The following BCAR3 variants were observed in gnomAD, a reference collection of about 807,000 sequenced individuals.
BCAR3 encodes BCAR3 adaptor protein, NSP family member, also known as breast cancer anti-estrogen resistance protein 3.
In BCAR3, 37 loss-of-function variants were observed where a neutral mutation model predicts 80.1. The ratio of observed to expected loss-of-function variants is 0.46; its 90% CI spans 0.36 to 0.61. BCAR3 has a LOEUF of 0.61. Among genes scored for constraint, BCAR3 ranks in the 20% least tolerant of loss-of-function variants. The pLI, the probability that BCAR3 is intolerant of heterozygous loss-of-function variation, is 0.00. For synonymous variants in BCAR3, 389 were observed against 418.9 expected (o/e 0.93, Z 0.87); for missense variants, 978 against 1,068.2 (o/e 0.92, Z 1.18).
chr1:93,567,832 G>A lies in BCAR3; in HGVS notation c.1994C>T (p.Thr665Met), dbSNP rs760635585. Residue 665 changes from threonine to methionine, a missense_variant, in exon 10 of 12, where the codon ACG becomes ATG. Coordinates refer to ENST00000260502, the MANE Select transcript of BCAR3 (RefSeq NM_003567.4). ...EMPQITRLEK[T>M]WTALRHQYTQ... Reference sequence around the variant, plus strand: ...GTACTGGTGCCGCAGAGCAGTCCACGTCTTTTCTAACCTTGTGATCTGGAA... The same window carrying A: ...GTACTGGTGCCGCAGAGCAGTCCACATCTTTTCTAACCTTGTGATCTGGAA... 5.6e-6 allele frequency: 9 copies of A among 1,613,828 alleles called. No homozygotes were observed. In the African/African-American group the frequency reaches 6.7e-5, roughly 12 times the overall value.
chr1:93,683,125 C>G (rs1247448065), upstream of BCAR3, among the ~76,000 whole-genome samples: 1 of 152,162 alleles, frequency 6.6e-6, no homozygotes, highest in East Asian at 1.9e-4. Context: ...ATATAAAGAA[C>G]ACCTACGGAT....
At chr1:93,563,418 ATT>A in intron 11 of BCAR3, among the ~76,000 whole-genome samples, 1 of 152,128 alleles carries the variant, frequency 6.6e-6, no homozygotes, top group Non-Finnish European at 1.5e-5. Flanking sequence ...TGGACATGCC[ATT>A]GTTTTTGTTT....
intron 7 of BCAR3, among the ~76,000 whole-genome samples, chr1:93,581,556 G>A (rs898252164): frequency 2.0e-5 from 3 of 152,020 alleles, no homozygotes; most frequent in South Asian, 2.1e-4. Flanking sequence ...GATTACAGGC[G>A]TGTACCATCA....
At chr1:93,724,944 C>G (rs932449750) in intron 2 of BCAR3, among the ~76,000 whole-genome samples, 1 of 152,198 alleles carries the variant, frequency 6.6e-6, no homozygotes, top group Non-Finnish European at 1.5e-5. Context: ...AACTGCCTGA[C>G]GGAAGGGTCC....
At chr1:93,843,295 A>G (rs1476266497) in intron 2 of BCAR3, among the ~76,000 whole-genome samples, 1 of 152,200 alleles carries the variant, frequency 6.6e-6, no homozygotes, top group Non-Finnish European at 1.5e-5. Flanking sequence ...TCCGGTTGCA[A>G]CAAATTTAGC....
At chr1:93,804,416 A>G (rs1316702874) in intron 2 of BCAR3, among the ~76,000 whole-genome samples, 2 of 152,238 alleles carry the variant, frequency 1.3e-5, no homozygotes, top group African/African-American at 4.8e-5. Flanking sequence ...AACAATTATA[A>G]TAATATGCTA....
intron 3 of BCAR3, among the ~76,000 whole-genome samples, chr1:93,702,636 A>G (rs1388678089): frequency 6.6e-6 from 1 of 152,224 alleles, no homozygotes; most frequent in East Asian, 1.9e-4. Context: ...AGAGGCAGAC[A>G]TGAAGCCAAA....
intron 2 of BCAR3, among the ~76,000 whole-genome samples, chr1:93,718,089 C>A (rs188355014): frequency 6.6e-6 from 1 of 152,100 alleles, no homozygotes; most frequent in South Asian, 2.1e-4. Flanking sequence ...AAACTTCCTG[C>A]GTTCACAGCT....
At chr1:93,655,452 A>G (rs1461512476) in intron 2 of BCAR3, among the ~76,000 whole-genome samples, 1 of 152,208 alleles carries the variant, frequency 6.6e-6, no homozygotes, top group African/African-American at 2.4e-5. Flanking sequence ...TTGATAAATG[A>G]CTGGCTTTGG....
chr1:93,596,838 T>C (rs1674436353), intron 3 of BCAR3, among the ~76,000 whole-genome samples: 1 of 152,134 alleles, frequency 6.6e-6, no homozygotes, highest in Non-Finnish European at 1.5e-5. Context: ...GAGACAAAGT[T>C]GGTTTTCGCT....
chr1:93,655,931 A>G (rs537852709), intron 2 of BCAR3, among the ~76,000 whole-genome samples: 5 of 152,366 alleles, frequency 3.3e-5, no homozygotes, highest in African/African-American at 1.2e-4. Context: ...ACTAGTTAAG[A>G]ATGCATTTTT....
Position 93,657,061 on chromosome 1 carries a change from C to T in BCAR3, c.318-14718G>A, listed in dbSNP as rs185637887. On this transcript the variant is annotated intron_variant, in intron 2 of 11. Transcript: ENST00000260502. ...AAAAAAGATTTGCATTGTTTCGTTA[C>T]TAGTGGGCACTGCCAACCCAGACAC... Among the ~76,000 whole-genome samples, 14 of 152,316 alleles carry T rather than the reference C, an allele frequency of 9.2e-5. No individual in the cohort carries two copies. In the East Asian group the frequency reaches 2.5e-3, roughly 27 times the overall value.
At chr1:93,738,396 C>A (rs938982260) in intron 2 of BCAR3, among the ~76,000 whole-genome samples, 22 of 152,210 alleles carry the variant, frequency 1.4e-4, no homozygotes, top group African/African-American at 5.1e-4. Flanking sequence ...ATTCCCAAGC[C>A]ACAGTTACCA....
chr1:93,691,568 G>A (rs1408711184), intron 3 of BCAR3, among the ~76,000 whole-genome samples: 1 of 152,186 alleles, frequency 6.6e-6, no homozygotes, highest in Non-Finnish European at 1.5e-5. Context: ...GGTGGTGGGA[G>A]GGGCCAGATT....
chr1:93,576,073 T>A lies in BCAR3; in HGVS notation c.1743A>T (p.Ser581=). 6.2e-7 allele frequency: 1 copy of A among 1,614,190 alleles called. No individual in the cohort carries two copies. ...EEMRRNMGVS[S]GLELITLPHG... is the part of the protein sequence containing the mutation. ...GAGGCAAGGTAATGAGTTCCAGGCC[T>A]GAGCTCACCCCCATGTTCCTCCTCA... is the stretch of plus-strand genomic sequence containing the variant. Residue 581 remains serine (S), a synonymous_variant, in exon 8 of 12, where the codon TCA becomes TCT. Coordinates refer to ENST00000260502, the MANE Select transcript of BCAR3 (RefSeq NM_003567.4).
chr1:93,690,380 A>C (rs1281679180), intron 3 of BCAR3, among the ~76,000 whole-genome samples: 2 of 152,232 alleles, frequency 1.3e-5, no homozygotes, highest in African/African-American at 4.8e-5. Flanking sequence ...TACTGTTCTA[A>C]GAACCCTACA....
At chr1:93,714,979 C>T (rs1431166679) in intron 2 of BCAR3, among the ~76,000 whole-genome samples, 3 of 152,168 alleles carry the variant, frequency 2.0e-5, no homozygotes, top group East Asian at 3.9e-4. Flanking sequence ...TGCATACTCT[C>T]CTCTGGGTAC....
chr1:93,698,022 G>C (rs1319589853), intron 3 of BCAR3, among the ~76,000 whole-genome samples: 1 of 152,156 alleles, frequency 6.6e-6, no homozygotes, highest in Non-Finnish European at 1.5e-5. Flanking sequence ...GAGAGGGCTA[G>C]AAAAGCTGGC....
chr1:93,564,985 T>C (rs1672884685), intron 11 of BCAR3, among the ~76,000 whole-genome samples: 1 of 152,176 alleles, frequency 6.6e-6, no homozygotes, highest in South Asian at 2.1e-4. Context: ...TGCCATTAAA[T>C]ATACCTGCCA....
Sources: gnomAD v4.1 joint callset for allele counts (sites outside exome capture counted in the v4.1 genomes callset) on GRCh38, gnomAD v4.1.1 for gene constraint, MANE v1.5 for transcripts, NCBI Gene and HGNC (gene_info 2026-07-23, HGNC 2026-07-21) for gene names.